PDE11A: variants seen among roughly 807,000 people sequenced by gnomAD.
PDE11A encodes the protein phosphodiesterase 11A, also known as dual 3',5'-cyclic-AMP and -GMP phosphodiesterase 11A.
PDE11A carries 100 observed loss-of-function variants against 100.5 expected under a neutral mutation model. The ratio of observed to expected loss-of-function variants is 1.00; its 90% CI spans 0.85 to 1.18. The LOEUF (loss-of-function observed/expected upper bound fraction) is 1.18. Ranked by LOEUF, PDE11A falls within the 50% of genes most tolerant of loss-of-function variation. The probability of loss-of-function intolerance (pLI) is 0.00; values close to 1 mark genes in which losing one functional copy is unlikely to be tolerated. For synonymous variants in PDE11A, 381 were observed against 420.8 expected (o/e 0.91, Z 1.16); for missense variants, 1,141 against 1,152.6 (o/e 0.99, Z 0.15).
At chr2:177,947,696 TTCCCTCCACTATTG>T (rs1192483745) in intron 2 of PDE11A, among the ~76,000 whole-genome samples, 1 of 151,734 alleles carries the variant, frequency 6.6e-6, no homozygotes. Context: ...TCTGCTGACC[TTCCCTCCACTATTG>T]TCCCATGACC....
chr2:177,861,271 TG>T (rs1558978692), intron 5 of PDE11A, among the ~76,000 whole-genome samples: 1 of 151,856 alleles, frequency 6.6e-6, no homozygotes, highest in African/African-American at 2.4e-5. Flanking sequence ...AAAACTCAGC[TG>T]TATTTCTACA....
rs1433320166 is a variant in PDE11A, at chr2:177,637,997, A to ATATATATATATATATATTT, written c.2647-8436_2647-8435insAAATATATATATATATATA. Among the ~76,000 whole-genome samples the ATATATATATATATATATTT allele has an allele frequency of 3.8e-5, 4 of 106,536 alleles. 1 individual carries two copies. The highest frequency in any genetic ancestry group is 1.6e-4 in the African/African-American group (4 of 24,694). The allele number at this position is 106,536 out of a possible 152,430, so 69.9% of individuals were successfully genotyped here. On this transcript the variant is annotated intron_variant, in intron 19 of 19. Coordinates refer to ENST00000286063, the MANE Select transcript of PDE11A (RefSeq NM_016953.4). ...TACACGTGTATATATATATATATAT[A>ATATATATATATATATATTT]TTTTTTTTTTTTTTTTTTTTGAGAT...
chr2:177,996,433 T>C (rs111312854), intron 2 of PDE11A, among the ~76,000 whole-genome samples: 2,148 of 150,852 alleles, frequency 0.014, 26 homozygotes, highest in Middle Eastern at 0.025. Flanking sequence ...AAGTGATTTA[T>C]GTCGTGTAGT....
At chr2:177,866,462 G>C (rs929409506) in intron 5 of PDE11A, among the ~76,000 whole-genome samples, 1 of 152,188 alleles carries the variant, frequency 6.6e-6, no homozygotes, top group African/African-American at 2.4e-5. Context: ...GTGGTCAAAT[G>C]CTCTCCCCAT....
intron 2 of PDE11A, among the ~76,000 whole-genome samples, chr2:177,932,138 C>A (rs2085216324): frequency 1.3e-5 from 2 of 152,062 alleles, no homozygotes; most frequent in South Asian, 4.1e-4. Flanking sequence ...CAAAACAGAC[C>A]AATATCAATA....
intron 4 of PDE11A, among the ~76,000 whole-genome samples, chr2:177,886,837 A>G (rs2695756): frequency 0.54 from 82,686 of 151,838 alleles, 24,555 homozygotes; most frequent in East Asian, 0.74. Flanking sequence ...AGACATTTAG[A>G]GATTGAAAGG....
chr2:177,824,156 A>T (rs1478505344), intron 6 of PDE11A, among the ~76,000 whole-genome samples: 3 of 152,150 alleles, frequency 2.0e-5, no homozygotes, highest in Non-Finnish European at 4.4e-5. Context: ...ATGGAGGATA[A>T]CATTGAGGTT....
At chr2:177,671,580 TA>T (rs55717121) in intron 17 of PDE11A, among the ~76,000 whole-genome samples, 11,021 of 145,290 alleles carry the variant, frequency 0.076, 536 homozygotes, top group Non-Finnish European at 0.11. Context: ...AAGTGAGCAT[TA>T]AAAAAAAAAA....
chr2:177,675,666 T>C (rs946117145), intron 16 of PDE11A, 148 bp from the exon 17 acceptor site: 5 of 720,456 alleles, frequency 6.9e-6, no homozygotes, highest in Non-Finnish European at 1.3e-5. Context: ...GCACTGTTTA[T>C]AGTCCCTGTG....
chr2:177,915,510 T>A (rs1422913273), intron 2 of PDE11A, among the ~76,000 whole-genome samples: 1 of 152,216 alleles, frequency 6.6e-6, no homozygotes, highest in East Asian at 1.9e-4. Flanking sequence ...CTCTACATAA[T>A]TTCATGGCTT....
chr2:177,719,772 C>T (rs1169750124), intron 12 of PDE11A, among the ~76,000 whole-genome samples: 1 of 151,938 alleles, frequency 6.6e-6, no homozygotes, highest in Non-Finnish European at 1.5e-5. Context: ...TCTCTGGGGT[C>T]TTTGTTTGGT....
intron 1 of PDE11A, among the ~76,000 whole-genome samples, chr2:178,024,667 T>C (rs73972669): frequency 0.025 from 3,830 of 152,318 alleles, 149 homozygotes; most frequent in African/African-American, 0.087. Flanking sequence ...AGTTGTAATG[T>C]AGAGAAGTTA....
At chr2:177,818,524 G>C (rs1380289084) in intron 7 of PDE11A, among the ~76,000 whole-genome samples, 1 of 151,854 alleles carries the variant, frequency 6.6e-6, no homozygotes, top group African/African-American at 2.4e-5. Context: ...ACCTAAGAAG[G>C]TTATGAAGAT....
At chr2:177,800,863 G>A (rs1406102293) in intron 9 of PDE11A, among the ~76,000 whole-genome samples, 1 of 152,186 alleles carries the variant, frequency 6.6e-6, no homozygotes, top group Non-Finnish European at 1.5e-5. Flanking sequence ...TCTAACCAAG[G>A]AGATTCAACA....
intron 9 of PDE11A, among the ~76,000 whole-genome samples, chr2:177,799,906 TG>T (rs2082762387): frequency 1.3e-5 from 2 of 151,996 alleles, no homozygotes; most frequent in Non-Finnish European, 2.9e-5. Context: ...CACTGTATGA[TG>T]GTGGGGGGTG....
chr2:177,716,864 C>A (rs1037038670), intron 12 of PDE11A, among the ~76,000 whole-genome samples: 1 of 152,094 alleles, frequency 6.6e-6, no homozygotes, highest in East Asian at 1.9e-4. Flanking sequence ...GATTTGAGAT[C>A]AAAATCCCCA....
rs371591830 is a variant in PDE11A, at chr2:178,008,606, C to T, written c.1071+5696G>A. 1.3e-4 allele frequency among the ~76,000 whole-genome samples: 20 copies of T among 152,286 alleles called. No homozygotes were observed. The South Asian group carries it at 1.5e-3, about 11-fold the overall frequency. ...AATAATCTTAAACATTCTCCTCACA[C>T]TATTAGAAATGTGAGGCTAGGAGTT... On this transcript the variant is annotated intron_variant, in intron 2 of 19. Coordinates refer to ENST00000286063, the MANE Select transcript of PDE11A (RefSeq NM_016953.4).
rs71010857 is a variant in PDE11A at position 178,096,169 on chromosome 2, C to CTTTTTTTT, written c.162+8125_162+8132dup. Reference sequence around the variant, plus strand: ...AGAAAACAGGTTTTTCTTTTCTTTTCTTTTTTTTTTTTGAGATGGAGTCTC... The same window carrying CTTTTTTTT: ...AGAAAACAGGTTTTTCTTTTCTTTTCTTTTTTTTTTTTTTTTTTTTGAGATGGAGTCTC... On this transcript the variant is annotated intron_variant, in intron 2 of 20. Transcript: ENST00000358450. Among the ~76,000 whole-genome samples the CTTTTTTTT allele has an allele frequency of 9.6e-4, 115 of 120,122 alleles. 7 individuals carry two copies. The highest frequency in any genetic ancestry group is 3.6e-3 in the African/African-American group (111 of 31,004). The allele number at this position is 120,122 out of a possible 152,430, so 78.8% of individuals were successfully genotyped here. A position where few individuals can be genotyped will look rare whatever the true frequency, so the allele number is the denominator to read the frequency against.
intron 1 of PDE11A, among the ~76,000 whole-genome samples, chr2:178,065,804 G>A (rs750710771): frequency 6.6e-6 from 1 of 151,898 alleles, no homozygotes; most frequent in African/African-American, 2.4e-5. Flanking sequence ...GGCTCATCAG[G>A]GAACGAAGCA....
Sources: allele counts gnomAD v4.1 joint callset (sites outside exome capture counted in the v4.1 genomes callset), GRCh38; gene constraint gnomAD v4.1.1; transcripts MANE v1.5; gene names NCBI Gene and HGNC (gene_info 2026-07-23, HGNC 2026-07-21).